ITGA3: variants seen among roughly 807,000 people sequenced by gnomAD.
ITGA3 encodes the protein integrin subunit alpha 3.
Under a neutral mutation model 131.1 loss-of-function variants are expected in ITGA3, and 70 were observed. The ratio of observed to expected loss-of-function variants is 0.53; its 90% CI spans 0.44 to 0.65. The LOEUF is 0.65. ITGA3 is among the 30% of genes least tolerant of loss of function. The pLI, the probability that ITGA3 is intolerant of heterozygous loss-of-function variation, is 0.00. For synonymous variants in ITGA3, 537 were observed against 571.6 expected, an observed-to-expected ratio of 0.94 and a Z score of 0.86; for missense variants, 1,098 against 1,388.6, an observed-to-expected ratio of 0.79 and a Z score of 3.33.
rs981147776 is a variant in ITGA3, at chr17:50,077,134, C to T, written c.2070+13C>T. 10 of 1,530,156 alleles carry T rather than the reference C, an allele frequency of 6.5e-6. No homozygotes were observed. In the African/African-American group the frequency reaches 8.3e-5, roughly 13 times the overall value. 94.8% of individuals were successfully genotyped at this position (1,530,156 alleles called of 1,614,324 possible). ...CTCAGTGCGCCCCGTGAGTGCCCGCCGGCCGGCTCAGAGCCCAAGCAGGGC... is the reference window on the plus strand; with the variant it reads ...CTCAGTGCGCCCCGTGAGTGCCCGCTGGCCGGCTCAGAGCCCAAGCAGGGC... On this transcript the variant is annotated intron_variant, in intron 15 of 25. Transcript: ENST00000320031.
chr17:50,062,572 G>A (rs1419773132), intron 1 of ITGA3, among the ~76,000 whole-genome samples: 1 of 152,198 alleles, frequency 6.6e-6, no homozygotes, highest in Non-Finnish European at 1.5e-5. Flanking sequence ...CTGAGCTGTT[G>A]TCTTGAAGTA....
chr17:50,062,021 C>T (rs150345032), intron 1 of ITGA3, among the ~76,000 whole-genome samples: 2,577 of 118,436 alleles, frequency 0.022, 66 homozygotes, highest in African/African-American at 0.078. Context: ...GCCTGGGTGA[C>T]AGAGCAAGAC....
At position 50,062,132 on chromosome 17, in the gene ITGA3, A is replaced by C. The variant is rs895676914; in HGVS notation, c.207-1945A>C. ...CTAGACCAGTCCTGATGCCACAACA[A>C]ATCGGAACAACAATGCTCACATTAG... On this transcript the variant is annotated intron_variant, in intron 1 of 25. Coordinates refer to ENST00000320031, the MANE Select transcript of ITGA3 (RefSeq NM_002204.4). 5.3e-5 allele frequency among the ~76,000 whole-genome samples: 8 copies of C among 152,160 alleles called. 1 individual carries two copies. Among genetic ancestry groups the C allele is most frequent in the Non-Finnish European group, 1.2e-4 (8 of 68,038 alleles).
chr17:50,082,884 T>C (rs1402688837), intron 23 of ITGA3, among the ~76,000 whole-genome samples: 3 of 152,210 alleles, frequency 2.0e-5, no homozygotes, highest in African/African-American at 7.2e-5. Flanking sequence ...CCAGTCTCAG[T>C]AGGATTCAGG....
In ITGA3 at chr17:50,064,302, C is replaced by G; in HGVS notation, c.334+98C>G. On this transcript the variant is annotated intron_variant, in intron 2 of 25. Transcript: ENST00000320031. This position sits in a 1 kb window ranked among gnomAD's most constrained non-coding sequence, Gnocchi z 4.4. ...GGAGGAGATAGAAGGCTTGTTCACA[C>G]GGCTTCTAGTCGCTTCTTGTCCAGC... 6.9e-7 allele frequency: 1 copy of G among 1,449,878 alleles called. No individual in the cohort carries two copies. The highest frequency in any genetic ancestry group is 1.4e-5 in the African/African-American group (1 of 71,598). 89.8% of individuals were successfully genotyped at this position (1,449,878 alleles called of 1,614,324 possible).
At position 50,068,267 on chromosome 17, in the gene ITGA3, CTG is replaced by C. The variant is rs1908428324; in HGVS notation, c.630_631del (p.Tyr211LeufsTer25). 1.2e-6 allele frequency: 2 copies of C among 1,613,598 alleles called. No individual in the cohort carries two copies. The highest frequency in any genetic ancestry group is 2.7e-5 in the African/African-American group (2 of 74,902). ...ACCAGCGGTGGCTTCACCCAGAACA[CTG>C]TGTACTTCGGCGCCCCCGGTGCCTA... On this transcript the variant is annotated frameshift_variant, in exon 4 of 26. Coordinates refer to ENST00000320031, the MANE Select transcript of ITGA3 (RefSeq NM_002204.4). LOFTEE classifies it high-confidence loss of function.
At chr17:50,080,425 G>C in intron 22 of ITGA3, 50 bp downstream of exon 22, 1 of 1,100,344 alleles carries the variant, frequency 9.1e-7, no homozygotes, top group Non-Finnish European at 1.4e-6. Flanking sequence ...CTGAGGGGGA[G>C]AACAACAGGG....
intron 18 of ITGA3, 68 bp downstream of exon 18, chr17:50,078,352 G>T: frequency 7.4e-7 from 1 of 1,345,078 alleles, no homozygotes; most frequent in Non-Finnish European, 1.1e-6. Flanking sequence ...CTATCCCCAA[G>T]CTATCTCCCA....
intron 1 of ITGA3, among the ~76,000 whole-genome samples, chr17:50,061,024 A>C (rs1908052650): frequency 6.6e-6 from 1 of 152,052 alleles, no homozygotes; most frequent in Non-Finnish European, 1.5e-5. Flanking sequence ...GCCTTCCCCC[A>C]TCCATGTGCA....
In ITGA3 at chr17:50,088,335, AG is replaced by A; in HGVS notation, c.*5del. 2 of 1,566,144 alleles carry A rather than the reference AG, an allele frequency of 1.3e-6. No individual in the cohort carries two copies. Among genetic ancestry groups the A allele is most frequent in the South Asian group, 1.2e-5 (1 of 85,316 alleles). ...CAGAGAGGCTGACCGACGACTACTG[AG>A]GGGGCAGCCCCCCGCCCCCGGCCCA... is the stretch of plus-strand genomic sequence containing the variant. On this transcript the variant is annotated 3_prime_UTR_variant, in exon 25 of 26. Coordinates refer to ENST00000320031, the MANE Select transcript of ITGA3 (RefSeq NM_002204.4).
intron 1 of ITGA3, among the ~76,000 whole-genome samples, chr17:50,061,856 A>T (rs1457963496): frequency 6.6e-6 from 1 of 152,084 alleles, no homozygotes; most frequent in East Asian, 1.9e-4. Flanking sequence ...CCTGGCCAAT[A>T]TGGCGAAACC....
chr17:50,082,081 G>C (rs1173716297), intron 23 of ITGA3, among the ~76,000 whole-genome samples: 1 of 152,154 alleles, frequency 6.6e-6, no homozygotes, highest in Non-Finnish European at 1.5e-5. Flanking sequence ...CTGAACTCCT[G>C]GGCTCAAGAA....
At position 50,064,770 on chromosome 17, in the gene ITGA3, C is replaced by T. The variant is rs1908253181; in HGVS notation, c.414+163C>T. 3 of 584,616 alleles carry T rather than the reference C, an allele frequency of 5.1e-6. No homozygotes were observed. In the East Asian group the frequency reaches 9.1e-5, roughly 18 times the overall value. The allele number at this position is 584,616 out of a possible 1,614,324, so 36.2% of individuals were successfully genotyped here. On this transcript the variant is annotated intron_variant, in intron 3 of 25. Transcript: ENST00000320031. The surrounding 1 kb of genome is among the most constrained non-coding windows in gnomAD (Gnocchi z 4.4). ...GGCTGTGTGTCCCTCGCTCTCTGCA[C>T]TCCTGGGGAGGGGGTGAGTATCCTG...
chr17:50,083,332 T>C (rs911280942), intron 23 of ITGA3, among the ~76,000 whole-genome samples: 1 of 152,184 alleles, frequency 6.6e-6, no homozygotes, highest in African/African-American at 2.4e-5. Flanking sequence ...CCTTTAATTA[T>C]GGGAAGAGTG....
intron 13 of ITGA3, 40 bp from the exon 14 acceptor site, chr17:50,076,544 G>C (rs754497153): frequency 3.5e-5 from 45 of 1,286,152 alleles, no homozygotes; most frequent in Admixed American, 1.1e-4. Context: ...AGGGCACTGG[G>C]GGGGGTGGTG....
At chr17:50,065,514 G>A (rs1278449088) in intron 3 of ITGA3, 6 of 152,192 alleles carry the variant, frequency 3.9e-5, no homozygotes, top group African/African-American at 1.4e-4. Flanking sequence ...TCAGTATCCA[G>A]ATAGGCACAT....
chr17:50,068,052 C>G lies in ITGA3; in HGVS notation c.415-4C>G. The G allele has an allele frequency of 4.3e-6, 7 of 1,613,864 alleles. No homozygotes were observed. Among genetic ancestry groups the G allele is most frequent in the Non-Finnish European group, 5.9e-6 (7 of 1,180,018 alleles). ...AAGGCTGCCTGTGTTTGGGGGGTCC[C>G]CAGGTCTGTGCCCACCGCTACACCC... On this transcript the variant is annotated splice_region_variant and splice_polypyrimidine_tract_variant and intron_variant, in intron 3 of 25. Transcript: ENST00000320031.
intron 25 of ITGA3, 115 bp downstream of exon 25, chr17:50,088,481 C>T (rs571326192): frequency 3.3e-6 from 2 of 606,002 alleles, no homozygotes; most frequent in South Asian, 1.9e-5. Context: ...CTGTCCCCAC[C>T]ACCACCCCAA....
intron 7 of ITGA3, among the ~76,000 whole-genome samples, chr17:50,073,685 G>T (rs1056134430): frequency 4.6e-5 from 7 of 151,708 alleles, no homozygotes; most frequent in African/African-American, 1.7e-4. Flanking sequence ...AGAGTCACTT[G>T]TCATCTCCTG....
Sources: gnomAD v4.1 joint callset for allele counts (sites outside exome capture counted in the v4.1 genomes callset) on GRCh38, gnomAD v4.1.1 for gene constraint, Gnocchi (gnomAD v3.1) non-coding constraint, MANE v1.5 for transcripts, NCBI Gene and HGNC (gene_info 2026-07-23, HGNC 2026-07-21) for gene names.